Variants in SLC4A5 observed in about 807,000 individuals in gnomAD.
SLC4A5 encodes the protein solute carrier family 4 member 5.
Under a neutral mutation model 120.4 loss-of-function variants are expected in SLC4A5, and 96 were observed. The ratio of observed to expected loss-of-function variants is 0.80; its 90% CI spans 0.68 to 0.94. The LOEUF (loss-of-function observed/expected upper bound fraction) is 0.94, where lower values mean the gene tolerates loss of function less well. SLC4A5 is among the 40% of genes least tolerant of loss of function. SLC4A5 has a pLI of 0.00. For synonymous variants in SLC4A5, 550 were observed against 571.1 expected (o/e 0.96, Z 0.53); for missense variants, 1,259 against 1,459.5 (o/e 0.86, Z 2.24).
chr2:74,244,239 G>T (rs1440121527), intron 19 of SLC4A5, among the ~76,000 whole-genome samples: 1 of 152,104 alleles, frequency 6.6e-6, no homozygotes, highest in Non-Finnish European at 1.5e-5. Context: ...GGGTTTAGTG[G>T]TCAATAACGG....
chr2:74,261,457 A>G (rs73948726), intron 11 of SLC4A5, among the ~76,000 whole-genome samples: 2,487 of 152,374 alleles, frequency 0.016, 73 homozygotes, highest in African/African-American at 0.057. Flanking sequence ...ACAGGGGTAC[A>G]GCACTGGGCT....
Position 74,232,497 on chromosome 2 carries a change from C to CA in SLC4A5, c.2745dup (p.Gly916TrpfsTer139). The CA allele has an allele frequency of 6.2e-7, 1 of 1,614,082 alleles. No homozygotes were observed. The highest frequency in any genetic ancestry group is 8.5e-7 in the Non-Finnish European group (1 of 1,179,958). On this transcript the variant is annotated frameshift_variant, in exon 24 of 31. Coordinates refer to ENST00000394019, the Ensembl canonical transcript of SLC4A5. LOFTEE classifies it high-confidence loss of function. ...ACTCCCAGAAACTGGGGCTGCTCCC[C>CA]AGGGGCACTGGTCTCTGTCTCCATC...
At chr2:74,337,602 G>T (rs1673524579) in intron 3 of SLC4A5, among the ~76,000 whole-genome samples, 1 of 152,196 alleles carries the variant, frequency 6.6e-6, no homozygotes, top group Admixed American at 6.5e-5. Context: ...AATAGTGTTA[G>T]GGAAATGCAC....
intron 27 of SLC4A5, 59 bp downstream of exon 27, chr2:74,226,898 C>A: frequency 1.3e-6 from 2 of 1,580,704 alleles, no homozygotes; most frequent in East Asian, 4.5e-5. Context: ...TTGCGCTGCA[C>A]CTCTGGGTTG....
Position 74,318,156 on chromosome 2 carries a change from C to T in SLC4A5, c.-2-3131G>A, listed in dbSNP as rs566497427. ...AATGAAAAAAAAATATTGCACACTG[C>T]GCATGTGACAAAGAGCTAATATCTA... On this transcript the variant is annotated intron_variant, in intron 5 of 30. Transcript: ENST00000394019. 3.3e-5 allele frequency among the ~76,000 whole-genome samples: 5 copies of T among 151,918 alleles called. No homozygotes were observed. In the East Asian group the frequency reaches 7.7e-4, roughly 23 times the overall value.
chr2:74,256,037 C>G (rs1315742460), intron 12 of SLC4A5, 105 bp from the exon 13 acceptor site: 1 of 1,252,904 alleles, frequency 8.0e-7, no homozygotes. Context: ...AAAATTCTCC[C>G]AATGTTGCCA....
At chr2:74,324,750 C>T (rs993690401) in intron 5 of SLC4A5, among the ~76,000 whole-genome samples, 2 of 152,098 alleles carry the variant, frequency 1.3e-5, no homozygotes, top group Admixed American at 1.3e-4. Context: ...CTCCCCAAGC[C>T]TCTGAAGGAA....
chr2:74,304,363 G>A (rs1672571541), intron 7 of SLC4A5, 126 bp downstream of exon 7: 1 of 982,824 alleles, frequency 1.0e-6, no homozygotes, highest in Non-Finnish European at 1.5e-6. Context: ...GAGGGGGCCA[G>A]AGAGGTTAGG....
At chr2:74,307,463 C>G (rs564110431) in intron 6 of SLC4A5, 2 of 626,574 alleles carry the variant, frequency 3.2e-6, no homozygotes, top group East Asian at 3.6e-5. Context: ...CCTTGTGGAG[C>G]CCACGGATGT....
chr2:74,223,381 A>G (rs920185709), intron 28 of SLC4A5, among the ~76,000 whole-genome samples: 1 of 152,220 alleles, frequency 6.6e-6, no homozygotes, highest in East Asian at 1.9e-4. Flanking sequence ...ACCTCTAAAC[A>G]GTTAGGGGAT....
intron 10 of SLC4A5, among the ~76,000 whole-genome samples, chr2:74,262,590 T>C (rs544172347): frequency 2.0e-5 from 3 of 151,688 alleles, no homozygotes; most frequent in Admixed American, 6.6e-5. Flanking sequence ...TCCCAGCTAC[T>C]TGGGAGGCTG....
At chr2:74,302,188 C>T (rs1022047824) in intron 7 of SLC4A5, among the ~76,000 whole-genome samples, 1 of 152,158 alleles carries the variant, frequency 6.6e-6, no homozygotes, top group African/African-American at 2.4e-5. Flanking sequence ...ACATGGCCTA[C>T]AATTCCCTGT....
chr2:74,306,082 T>C (rs1403632590), intron 6 of SLC4A5, among the ~76,000 whole-genome samples: 2 of 152,026 alleles, frequency 1.3e-5, no homozygotes, highest in African/African-American at 4.8e-5. Flanking sequence ...TATCACAGAG[T>C]TGGAATTGAC....
chr2:74,235,673 G>A (rs779468057), intron 21 of SLC4A5, among the ~76,000 whole-genome samples: 2 of 152,100 alleles, frequency 1.3e-5, no homozygotes, highest in Non-Finnish European at 2.9e-5. Flanking sequence ...TACCCCACCT[G>A]GGCTAGGAGG....
chr2:74,323,309 A>G (rs1174378870), intron 5 of SLC4A5, among the ~76,000 whole-genome samples: 1 of 152,176 alleles, frequency 6.6e-6, no homozygotes, highest in Non-Finnish European at 1.5e-5. Context: ...CCAACCTAAC[A>G]TTCTCCACCC....
rs59538523 is a variant in SLC4A5 at position 74,264,489 on chromosome 2, C to CGTGTGTGTGTGTGTGTGTGTGTGTGTGT, written c.563-218_563-191dup. Among the ~76,000 whole-genome samples, 5 of 143,648 alleles carry CGTGTGTGTGTGTGTGTGTGTGTGTGTGT rather than the reference C, an allele frequency of 3.5e-5. 1 individual carries two copies. The highest frequency in any genetic ancestry group is 7.6e-5 in the Non-Finnish European group (5 of 65,746). 94.2% of individuals were successfully genotyped at this position (143,648 alleles called of 152,430 possible). A position where few individuals can be genotyped will look rare whatever the true frequency, so the allele number is the denominator to read the frequency against. On this transcript the variant is annotated intron_variant, in intron 9 of 30. Transcript: ENST00000394019. ...CTTGGCCTCCTCCTGTTCAAGGGCA[C>CGTGTGTGTGTGTGTGTGTGTGTGTGTGT]GTGTGTGTGTGTGTGTGTGTGTGTG...
chr2:74,274,029 G>T (rs1288241039), intron 8 of SLC4A5, among the ~76,000 whole-genome samples: 2 of 152,226 alleles, frequency 1.3e-5, no homozygotes, highest in African/African-American at 4.8e-5. Flanking sequence ...GCCAGGCGTG[G>T]TTGTGCATGC....
At chr2:74,260,916 G>A (rs571808819) in intron 11 of SLC4A5, among the ~76,000 whole-genome samples, 15 of 152,262 alleles carry the variant, frequency 9.9e-5, no homozygotes, top group African/African-American at 3.1e-4. Flanking sequence ...TGCACTTCCT[G>A]TGAACTGGAC....
rs866923978 is a variant in SLC4A5 at position 74,285,225 on chromosome 2, G to A, written c.401+548C>T. ...GATTACCCTACTGCACTGAAGCCTG[G>A]GCGACATAATGAGACCCTGTCTCTG... is the stretch of plus-strand genomic sequence containing the variant. On this transcript the variant is annotated intron_variant, in intron 8 of 30. Transcript: ENST00000394019. Among the ~76,000 whole-genome samples the A allele has an allele frequency of 2.6e-5, 4 of 152,216 alleles. No homozygotes were observed. The South Asian group carries it at 8.3e-4, about 32-fold the overall frequency.
Sources: gnomAD v4.1 joint callset for allele counts (sites outside exome capture counted in the v4.1 genomes callset) on GRCh38, gnomAD v4.1.1 for gene constraint, MANE v1.5 for transcripts, NCBI Gene and HGNC (gene_info 2026-07-23, HGNC 2026-07-21) for gene names.